Variants in ECEL1 observed in about 807,000 individuals in gnomAD.
ECEL1 encodes endothelin-converting enzyme-like 1.
ECEL1 carries 87 observed loss-of-function variants against 101.8 expected under a neutral mutation model. That is an observed-to-expected ratio of 0.85 (90% confidence interval 0.72 to 1.02). ECEL1 has a LOEUF of 1.02. ECEL1 is among the 50% of genes least tolerant of loss of function. The pLI is 0.00. For missense variants in ECEL1, 1,032 were observed against 1,079.2 expected (o/e 0.96, Z 0.61); for synonymous variants, 487 against 468.7 (o/e 1.04, Z -0.50).
At position 232,480,138 on chromosome 2, in the gene ECEL1, G is replaced by A. The variant is rs781253290; in HGVS notation, c.*15C>T. On this transcript the variant is annotated 3_prime_UTR_variant, in exon 18 of 18. Transcript: ENST00000304546. Reference sequence around the variant, plus strand: ...CGTGCGGGGGCAGTGGGGGCGTGCAGGCGGGCAGCCAGGCTCACCACACGG... The same window carrying A: ...CGTGCGGGGGCAGTGGGGGCGTGCAAGCGGGCAGCCAGGCTCACCACACGG... 6.2e-7 allele frequency: 1 copy of A among 1,613,094 alleles called. No homozygotes were observed. The highest frequency in any genetic ancestry group is 8.5e-7 in the Non-Finnish European group (1 of 1,179,436).
In ECEL1 at chr2:232,481,164, G is replaced by A. The variant is rs377169101; in HGVS notation, c.1990-8C>T. 4 of 1,560,642 alleles carry A rather than the reference G, an allele frequency of 2.6e-6. No individual in the cohort carries two copies. In the African/African-American group the frequency reaches 4.1e-5, roughly 16 times the overall value. On this transcript the variant is annotated splice_polypyrimidine_tract_variant and splice_region_variant and intron_variant, in intron 14 of 17. Transcript: ENST00000304546. ...CGTGTGTTTCCCGTTCACCTGCCGG[G>A]AAGGGAAGAGGCCAGGGGGCTGCTT...
Position 232,482,577 on chromosome 2 carries a change from A to G in ECEL1, c.1717T>C (p.Tyr573His), listed in dbSNP as rs950322013. 1 of 1,613,448 alleles carries G rather than the reference A, an allele frequency of 6.2e-7. No individual in the cohort carries two copies. The highest frequency in any genetic ancestry group is 1.3e-5 in the African/African-American group (1 of 74,906). Residue 573 changes from tyrosine (Y) to histidine (H), a missense_variant, in exon 11 of 18, where the codon TAC (tyrosine) becomes CAC (histidine). Physicochemically the swap from Tyr to His is moderately conservative, Grantham distance 83. Coordinates refer to ENST00000304546, the MANE Select transcript of ECEL1 (RefSeq NM_004826.4). ...WLLPPQALNA[Y>H]YLPNKNQMVF... Reference sequence around the variant, plus strand: ...ATCTGGTTCTTGTTGGGTAGATAGTAGGCATTGAGCGCCTGTGGGGGGAGC... The same window carrying G: ...ATCTGGTTCTTGTTGGGTAGATAGTGGGCATTGAGCGCCTGTGGGGGGAGC...
Position 232,482,595 on chromosome 2 carries a change from G to A in ECEL1, c.1699C>T (p.Pro567Ser), listed in dbSNP as rs778182880. The A allele has an allele frequency of 3.1e-6, 5 of 1,612,506 alleles. No homozygotes were observed. The highest frequency in any genetic ancestry group is 4.2e-6 in the Non-Finnish European group (5 of 1,179,416). The change falls in exon 11 of 18, where the codon CCA (proline) becomes TCA (serine). Residue 567 changes from proline (P) to serine (S), a missense_variant. Physicochemically the swap from Pro to Ser is moderately conservative, Grantham distance 74. Coordinates refer to ENST00000304546, the MANE Select transcript of ECEL1 (RefSeq NM_004826.4). ...EVDKSTWLLP[P>S]QALNAYYLPN... ...AGATAGTAGGCATTGAGCGCCTGTGGGGGGAGCAGCCACCTGTGGAGGGAT... is the reference window on the plus strand; with the variant it reads ...AGATAGTAGGCATTGAGCGCCTGTGAGGGGAGCAGCCACCTGTGGAGGGAT...
chr2:232,486,276 G>T lies in ECEL1; in HGVS notation c.378C>A (p.Phe126Leu), dbSNP rs774410751. The T allele has an allele frequency of 1.0e-5, 16 of 1,600,052 alleles. No individual in the cohort carries two copies. Among genetic ancestry groups the T allele is most frequent in the Non-Finnish European group, 1.3e-5 (15 of 1,178,146 alleles). The change falls in exon 2 of 18, where the codon TTC (phenylalanine) becomes TTA (leucine). Residue 126 changes from phenylalanine (F) to leucine (L), a missense_variant. Coordinates refer to ENST00000304546, the MANE Select transcript of ECEL1 (RefSeq NM_004826.4). ...GCCAACCGCCGCAGGCGAACGAGTA[G>T]AAGTCCTGGCATGGGTCGATGCTGG... is the stretch of plus-strand genomic sequence containing the variant. ...LDASIDPCQDFYSFACGGWLR... is the reference protein window; with the variant it reads ...LDASIDPCQDLYSFACGGWLR...
rs1049561072 is a variant in ECEL1, at chr2:232,486,238, G to T, written c.416C>A (p.Ala139Asp). ...ATAGGTGAGCTTGTCGTCGGGGATG[G>T]CGTGGCGCCGCAGCCAACCGCCGCA... ...FACGGWLRRH[A>D]IPDDKLTYGT... The change falls in exon 2 of 18, where the codon GCC becomes GAC. Residue 139 changes from alanine to aspartate, a missense_variant. Ala to Asp is a moderately radical substitution (Grantham distance 126). Transcript: ENST00000304546. The T allele has an allele frequency of 6.2e-7, 1 of 1,601,210 alleles. No homozygotes were observed. The highest frequency in any genetic ancestry group is 8.5e-7 in the Non-Finnish European group (1 of 1,178,378).
At chr2:232,483,654 G>T in intron 7 of ECEL1, 140 bp from the exon 8 acceptor site, 2 of 738,100 alleles carry the variant, frequency 2.7e-6, no homozygotes, top group South Asian at 4.0e-5. Flanking sequence ...TACTTTGGAG[G>T]TGAGGATCCA....
chr2:232,484,439 G>A (rs767464462), intron 6 of ECEL1, 33 bp downstream of exon 6: 15 of 1,610,310 alleles, frequency 9.3e-6, no homozygotes, highest in South Asian at 2.2e-5. Flanking sequence ...CCTAGTGACC[G>A]CTGGGCAGAA....
At chr2:232,484,389 A>C in intron 6 of ECEL1, 83 bp downstream of exon 6, 6 of 1,584,678 alleles carry the variant, frequency 3.8e-6, no homozygotes, top group Non-Finnish European at 5.2e-6. Context: ...AGAAAATGTA[A>C]AGCCCACCCA....
Position 232,485,277 on chromosome 2 carries a change from G to A in ECEL1, c.787-10C>T. The A allele has an allele frequency of 1.2e-6, 2 of 1,612,988 alleles. No homozygotes were observed. Among genetic ancestry groups the A allele is most frequent in the Non-Finnish European group, 1.7e-6 (2 of 1,179,918 alleles). ...GCCCATCCTGGTCAATCTGGGGAGG[G>A]AGACAGGGGCCACAGGTCAGAGGCC... is the stretch of plus-strand genomic sequence containing the variant. On this transcript the variant is annotated splice_polypyrimidine_tract_variant and intron_variant, in intron 2 of 17. Coordinates refer to ENST00000304546, the MANE Select transcript of ECEL1 (RefSeq NM_004826.4).
At position 232,483,419 on chromosome 2, in the gene ECEL1, G is replaced by C; in HGVS notation, c.1503C>G (p.Ala501=). ...ATGACACTGGGTCCCCCCTCACCTT[G>C]GCCCGAGCAGCAGCCCTGGTCTCGG... ...MDAETRAAAR[A]KLQYMMVMVG... The change falls in exon 8 of 18, where the codon GCC becomes GCG. Residue 501 remains alanine, a synonymous_variant. Coordinates refer to ENST00000304546, the MANE Select transcript of ECEL1 (RefSeq NM_004826.4). 6.2e-7 allele frequency: 1 copy of C among 1,605,810 alleles called. No individual in the cohort carries two copies. Among genetic ancestry groups the C allele is most frequent in the Non-Finnish European group, 8.5e-7 (1 of 1,176,824 alleles).
At position 232,484,184 on chromosome 2, in the gene ECEL1, G is replaced by A. The variant is rs1690660698; in HGVS notation, c.1224C>T (p.Val408=). The A allele has an allele frequency of 1.9e-6, 3 of 1,613,210 alleles. No homozygotes were observed. The East Asian group carries it at 6.7e-5, about 36-fold the overall frequency. ...HNYLVWRVVV[V]LSEHLSPPFR... ...ATGGCGGGGACAGGTGTTCACTCAGGACCACCACCACGCGCCACACCAGGT... is the reference window on the plus strand; with the variant it reads ...ATGGCGGGGACAGGTGTTCACTCAGAACCACCACCACGCGCCACACCAGGT... Residue 408 remains valine, a synonymous_variant, in exon 7 of 18, where the codon GTC becomes GTT. Coordinates refer to ENST00000304546, the MANE Select transcript of ECEL1 (RefSeq NM_004826.4).
Position 232,485,077 on chromosome 2 carries a change from G to A in ECEL1, c.870C>T (p.Tyr290=), listed in dbSNP as rs1281396824. 2 of 1,611,770 alleles carry A rather than the reference G, an allele frequency of 1.2e-6. No homozygotes were observed. The highest frequency in any genetic ancestry group is 8.5e-7 in the Non-Finnish European group (1 of 1,180,018). Residue 290 remains tyrosine, a synonymous_variant, in exon 4 of 18, where the codon TAC becomes TAT. Coordinates refer to ENST00000304546, the MANE Select transcript of ECEL1 (RefSeq NM_004826.4). Reference sequence around the variant, plus strand: ...TGAGCACTCGCTCCATGAACACCCTGTATGCTGCCAGGATCTGCACCAGGG... The same window carrying A: ...TGAGCACTCGCTCCATGAACACCCTATATGCTGCCAGGATCTGCACCAGGG... ...DEDSEKILAA[Y]RVFMERVLSL...
intron 16 of ECEL1, 116 bp from the exon 17 acceptor site, chr2:232,480,591 C>T: frequency 1.3e-6 from 2 of 1,503,232 alleles, no homozygotes; most frequent in Admixed American, 3.7e-5. Flanking sequence ...AGGACCATCA[C>T]CTCTGACGGG....
intron 14 of ECEL1, 43 bp from the exon 15 acceptor site, chr2:232,481,199 C>A: frequency 6.5e-7 from 1 of 1,546,964 alleles, no homozygotes; most frequent in Non-Finnish European, 8.7e-7. Flanking sequence ...TGGGGCCCAG[C>A]TGGCCTCCCT....
At chr2:232,483,287 T>G in intron 8 of ECEL1, 108 bp from the exon 9 acceptor site, 1 of 1,382,538 alleles carries the variant, frequency 7.2e-7, no homozygotes, top group African/African-American at 1.5e-5. Flanking sequence ...GGGAGTGGGC[T>G]TCACAGTGGG....
rs1390510406 is a variant in ECEL1 at position 232,485,902 on chromosome 2, A to G, written c.752T>C (p.Leu251Pro). 1 of 1,568,626 alleles carries G rather than the reference A, an allele frequency of 6.4e-7. No individual in the cohort carries two copies. The highest frequency in any genetic ancestry group is 8.6e-7 in the Non-Finnish European group (1 of 1,159,818). The change falls in exon 2 of 18, where the codon CTG becomes CCG. Residue 251 changes from leucine (L) to proline (P), a missense_variant. Leu to Pro is a moderately conservative substitution (Grantham distance 98). Coordinates refer to ENST00000304546, the MANE Select transcript of ECEL1 (RefSeq NM_004826.4). The part of the protein sequence containing the change: ...AAALFSLTVS[L>P]DDRNSSRYVI... Reference sequence around the variant, plus strand: ...GTAGCGCGAGGAGTTCCTGTCGTCCAGGCTGACCGTGAGCGAGAAGAGCGC... The same window carrying G: ...GTAGCGCGAGGAGTTCCTGTCGTCCGGGCTGACCGTGAGCGAGAAGAGCGC...
intron 12 of ECEL1, 51 bp from the exon 13 acceptor site, chr2:232,481,900 C>T: frequency 6.2e-7 from 1 of 1,608,772 alleles, no homozygotes; most frequent in Non-Finnish European, 8.5e-7. Context: ...CTCTGAGAGC[C>T]CCATGCTGCT....
At chr2:232,485,767 C>A in intron 2 of ECEL1, 101 bp downstream of exon 2, 1 of 1,430,604 alleles carries the variant, frequency 7.0e-7, no homozygotes, top group Non-Finnish European at 9.4e-7. Flanking sequence ...CTTCCCTCCT[C>A]TCCTCTCACG....
rs749781146 is a variant in ECEL1, at chr2:232,485,184, C to T, written c.855+15G>A. ...CCCCAGGCCTTCCCTGCCTCCCCAT[C>T]CCATGCCCCAGCACCTTCTCACTGT... On this transcript the variant is annotated intron_variant, in intron 3 of 17. Coordinates refer to ENST00000304546, the MANE Select transcript of ECEL1 (RefSeq NM_004826.4). 1.2e-6 allele frequency: 2 copies of T among 1,613,484 alleles called. No individual in the cohort carries two copies. The highest frequency in any genetic ancestry group is 1.1e-5 in the South Asian group (1 of 91,056).
Sources: allele counts gnomAD v4.1 joint callset, GRCh38; gene constraint gnomAD v4.1.1; transcripts MANE v1.5; gene names NCBI Gene and HGNC (gene_info 2026-07-23, HGNC 2026-07-21).